Variants in HIBCH observed in about 807,000 individuals in gnomAD.
The protein encoded by HIBCH is 3-hydroxyisobutyryl-CoA hydrolase, also known as 3-hydroxyisobutyryl-CoA hydrolase, mitochondrial.
Under a neutral mutation model 58.2 loss-of-function variants are expected in HIBCH, and 50 were observed. The ratio of observed to expected loss-of-function variants is 0.86; its 90% CI spans 0.68 to 1.09. HIBCH has a LOEUF of 1.09. HIBCH is among the 50% of genes least tolerant of loss of function. HIBCH has a pLI of 0.00. For missense variants in HIBCH, 450 were observed against 449.7 expected, an observed-to-expected ratio of 1.00 and a Z score of -0.01; for synonymous variants, 151 against 146.9, an observed-to-expected ratio of 1.03 and a Z score of -0.20.
chr2:190,227,316 G>A (rs1158795934), intron 11 of HIBCH, among the ~76,000 whole-genome samples: 2 of 152,118 alleles, frequency 1.3e-5, no homozygotes, highest in East Asian at 3.9e-4. Context: ...AGAAGAAATG[G>A]GGAAATGATT....
At chr2:190,247,780 G>A (rs1293439798) in intron 9 of HIBCH, among the ~76,000 whole-genome samples, 3 of 152,026 alleles carry the variant, frequency 2.0e-5, no homozygotes, top group African/African-American at 4.8e-5. Flanking sequence ...TCTAGGCAAG[G>A]CCCTCCAGCA....
chr2:190,208,796 G>A (rs765685984), intron 13 of HIBCH, 84 bp downstream of exon 13: 5 of 1,193,776 alleles, frequency 4.2e-6, no homozygotes, highest in Non-Finnish European at 6.2e-6. Flanking sequence ...GATTTGGGAT[G>A]CATAATCTGT....
In HIBCH at chr2:190,197,703, G is replaced by C. The variant is rs1575682124; in HGVS notation, c.*17+7397C>G. On this transcript the variant is annotated intron_variant, in intron 1 of 1. Transcript: ENST00000399855. This position sits in a 1 kb window ranked among gnomAD's most constrained non-coding sequence, Gnocchi z 4.0. ...CTCTCAGGGATCACAATCCAGTGTT[G>C]CTTGTTGCTCTATGCCTGAAAATAA... 6.6e-6 allele frequency among the ~76,000 whole-genome samples: 1 copy of C among 152,294 alleles called. No homozygotes were observed. The highest frequency in any genetic ancestry group is 2.4e-5 in the African/African-American group (1 of 41,562).
At chr2:190,252,391 C>T (rs536209480) in intron 7 of HIBCH, 84 bp from the exon 8 acceptor site, 1 of 1,140,872 alleles carries the variant, frequency 8.8e-7, no homozygotes, top group South Asian at 1.3e-5. Context: ...ATCACACAAA[C>T]CATTTCTCTC....
chr2:190,290,927 T>C (rs1221083285), intron 4 of HIBCH, among the ~76,000 whole-genome samples: 12 of 152,044 alleles, frequency 7.9e-5, no homozygotes, highest in Admixed American at 7.9e-4. Context: ...GGGAGGATCA[T>C]TTGAGCCCAG....
chr2:190,313,594 G>A (rs116628265), intron 1 of HIBCH, among the ~76,000 whole-genome samples: 12,786 of 141,872 alleles, frequency 0.09, 779 homozygotes, highest in Middle Eastern at 0.15. Context: ...GCAGTGAGCC[G>A]AGATTGTGCC....
chr2:190,313,643 C>CCA (rs1553508270), intron 1 of HIBCH, among the ~76,000 whole-genome samples: 48 of 78,886 alleles, frequency 6.1e-4, no homozygotes, highest in African/African-American at 2.4e-3. Flanking sequence ...CTCTGTCTCA[C>CCA]AAAAAAAAAA....
chr2:190,235,209 T>C (rs956324604), intron 11 of HIBCH, among the ~76,000 whole-genome samples: 5 of 152,144 alleles, frequency 3.3e-5, no homozygotes, highest in African/African-American at 1.2e-4. Context: ...GAGGAAGAGG[T>C]AATGATTGGT....
rs1690029355 is a variant in HIBCH at position 190,197,393 on chromosome 2, T to TAAG, written c.*18-7399_*18-7397dup. Among the ~76,000 whole-genome samples the TAAG allele has an allele frequency of 6.6e-6, 1 of 152,192 alleles. No individual in the cohort carries two copies. The highest frequency in any genetic ancestry group is 6.5e-5 in the Admixed American group (1 of 15,272). On this transcript the variant is annotated intron_variant, in intron 1 of 1. Coordinates refer to the HIBCH transcript ENST00000399855. The surrounding 1 kb of genome is among the most constrained non-coding windows in gnomAD (Gnocchi z 4.0). ...ACTTCTGGTGTCACTGTTCAACTCTTAAGTCCTAGAGGAAGTAATCGTTTG... is the reference window on the plus strand; with the variant it reads ...ACTTCTGGTGTCACTGTTCAACTCTTAAGAAGTCCTAGAGGAAGTAATCGTTTG...
chr2:190,277,946 G>C (rs1687599334), intron 6 of HIBCH, among the ~76,000 whole-genome samples: 1 of 152,150 alleles, frequency 6.6e-6, no homozygotes. Flanking sequence ...TGTTAAATTT[G>C]TATGAAGATT....
downstream of HIBCH, among the ~76,000 whole-genome samples, chr2:190,199,241 T>C (rs1005465033): frequency 1.2e-4 from 19 of 152,208 alleles, no homozygotes; most frequent in Admixed American, 8.5e-4. Context: ...AGATAGTACA[T>C]ATTTTAAGCT....
chr2:190,222,240 G>A (rs937795954), intron 11 of HIBCH, among the ~76,000 whole-genome samples: 7 of 152,148 alleles, frequency 4.6e-5, no homozygotes, highest in African/African-American at 1.7e-4. Context: ...TCCTGTGAGG[G>A]GTGGAAAGTA....
At chr2:190,222,453 A>G (rs901233146) in intron 11 of HIBCH, among the ~76,000 whole-genome samples, 1 of 152,134 alleles carries the variant, frequency 6.6e-6, no homozygotes, top group African/African-American at 2.4e-5. Flanking sequence ...AGAACATTGC[A>G]TCAAGTAATA....
rs377337659 is a variant in HIBCH, at chr2:190,287,617, A to C, written c.407T>G (p.Val136Gly). The C allele has an allele frequency of 1.2e-4, 191 of 1,611,704 alleles. No individual in the cohort carries two copies. The highest frequency in any genetic ancestry group is 9.1e-5 in the Non-Finnish European group (107 of 1,178,040). ...NAVGSCQKPYVALIHGITMGG... is the reference protein window; with the variant it reads ...NAVGSCQKPYGALIHGITMGG... ...CATTGTAATTCCATGAATAAGTGCAACATAAGGTTTCTGGCAAGAACCTGA... is the reference window on the plus strand; with the variant it reads ...CATTGTAATTCCATGAATAAGTGCACCATAAGGTTTCTGGCAAGAACCTGA... The change falls in exon 6 of 14, where the codon GTT becomes GGT. Residue 136 changes from valine to glycine, a missense_variant. Transcript: ENST00000359678.
intron 11 of HIBCH, among the ~76,000 whole-genome samples, chr2:190,230,019 C>T (rs1355442595): frequency 6.6e-6 from 1 of 152,184 alleles, no homozygotes; most frequent in African/African-American, 2.4e-5. Flanking sequence ...TATATGCCTG[C>T]TCACAATCTT....
intron 6 of HIBCH, among the ~76,000 whole-genome samples, chr2:190,286,655 A>C (rs1006410864): frequency 3.3e-5 from 5 of 152,182 alleles, no homozygotes; most frequent in Admixed American, 6.5e-5. Flanking sequence ...TTGTTTTGTA[A>C]TTATTTCATG....
At chr2:190,237,053 C>G (rs987457622) in intron 11 of HIBCH, among the ~76,000 whole-genome samples, 1 of 152,114 alleles carries the variant, frequency 6.6e-6, no homozygotes, top group Non-Finnish European at 1.5e-5. Flanking sequence ...ACAATGCATA[C>G]ATCTATAGGC....
intron 11 of HIBCH, among the ~76,000 whole-genome samples, chr2:190,232,787 T>C (rs1046462124): frequency 6.6e-6 from 1 of 151,978 alleles, no homozygotes; most frequent in African/African-American, 2.4e-5. Flanking sequence ...TGAAAACCCA[T>C]CTCTACTAAA....
intron 1 of HIBCH, among the ~76,000 whole-genome samples, chr2:190,193,655 G>T (rs2105878427): frequency 6.6e-6 from 1 of 152,028 alleles, no homozygotes; most frequent in African/African-American, 2.4e-5. Context: ...ATTCCTGTTT[G>T]CCTTTTAAAC....
Sources: allele counts gnomAD v4.1 joint callset (sites outside exome capture counted in the v4.1 genomes callset), GRCh38; gene constraint gnomAD v4.1.1; non-coding constraint Gnocchi (gnomAD v3.1); transcripts MANE v1.5; gene names NCBI Gene and HGNC (gene_info 2026-07-23, HGNC 2026-07-21).